LEMD3: variants seen among roughly 807,000 people sequenced by gnomAD.
LEMD3 encodes LEM domain containing 3.
In LEMD3, 33 loss-of-function variants were observed where a neutral mutation model predicts 95.2. The observed-to-expected ratio is 0.35, with a 90% CI of 0.26 to 0.46. The LOEUF (loss-of-function observed/expected upper bound fraction) is 0.46, where lower values mean the gene tolerates loss of function less well. LEMD3 is among the 20% of genes least tolerant of loss of function. The pLI, the probability that LEMD3 is intolerant of heterozygous loss-of-function variation, is 1.00. For missense variants in LEMD3, 1,210 were observed against 1,192.8 expected (o/e 1.01, Z -0.21); for synonymous variants, 525 against 474.6 (o/e 1.11, Z -1.38).
At chr12:65,232,180 T>C (rs1245324725) in intron 4 of LEMD3, among the ~76,000 whole-genome samples, 1 of 152,164 alleles carries the variant, frequency 6.6e-6, no homozygotes, top group African/African-American at 2.4e-5. Context: ...CTCTATGTTA[T>C]TTTATCCATA....
At chr12:65,171,187 A>G in intron 1 of LEMD3, 69 bp downstream of exon 1, 5 of 1,597,022 alleles carry the variant, frequency 3.1e-6, no homozygotes, top group Non-Finnish European at 4.2e-6. Flanking sequence ...AGCCGCGCTT[A>G]GCGTTTTACA....
chr12:65,205,999 G>A (rs1033261326), intron 1 of LEMD3, among the ~76,000 whole-genome samples: 6 of 152,054 alleles, frequency 3.9e-5, no homozygotes, highest in Admixed American at 1.3e-4. Flanking sequence ...AAACAAATGG[G>A]CATAATGCTA....
In LEMD3 at chr12:65,247,640, A is replaced by C. The variant is rs936648014; in HGVS notation, c.*1315A>C. 6.6e-6 allele frequency: 1 copy of C among 152,480 alleles called. No individual in the cohort carries two copies. Among genetic ancestry groups the C allele is most frequent in the Admixed American group, 6.5e-5 (1 of 15,276 alleles). 9.4% of individuals were successfully genotyped at this position (152,480 alleles called of 1,614,324 possible). On this transcript the variant is annotated 3_prime_UTR_variant, in exon 13 of 13. Coordinates refer to ENST00000308330, the MANE Select transcript of LEMD3 (RefSeq NM_014319.5). Reference sequence around the variant, plus strand: ...CTGTTGATATATAATTGTCAGTCCAAATGAATATGTGAAACAGCTGGAATT... The same window carrying C: ...CTGTTGATATATAATTGTCAGTCCACATGAATATGTGAAACAGCTGGAATT...
At chr12:65,187,123 C>T (rs1461975891) in intron 1 of LEMD3, among the ~76,000 whole-genome samples, 1 of 151,966 alleles carries the variant, frequency 6.6e-6, no homozygotes, top group East Asian at 1.9e-4. Context: ...AATGGTTTTG[C>T]CATATAAGAT....
chr12:65,172,117 G>T (rs1868569693), intron 1 of LEMD3, among the ~76,000 whole-genome samples: 1 of 152,144 alleles, frequency 6.6e-6, no homozygotes, highest in Admixed American at 6.5e-5. Context: ...GGTTAGAGTG[G>T]TTAAGCACCT....
At chr12:65,211,565 A>G (rs1869940557) in intron 2 of LEMD3, among the ~76,000 whole-genome samples, 1 of 152,198 alleles carries the variant, frequency 6.6e-6, no homozygotes, top group Non-Finnish European at 1.5e-5. Context: ...GTAATTAGTT[A>G]TTAATTTTTT....
intron 1 of LEMD3, among the ~76,000 whole-genome samples, chr12:65,172,633 C>G (rs552733226): frequency 6.6e-6 from 1 of 151,746 alleles, no homozygotes; most frequent in South Asian, 2.1e-4. Flanking sequence ...AGAAGTTAAA[C>G]AAGTAAAAGT....
chr12:65,236,233 T>G (rs2136352321), intron 4 of LEMD3, among the ~76,000 whole-genome samples: 1 of 152,328 alleles, frequency 6.6e-6, no homozygotes, highest in African/African-American at 2.4e-5. Context: ...TTATTTCTGT[T>G]TTTAGAAATT....
intron 1 of LEMD3, among the ~76,000 whole-genome samples, chr12:65,206,644 G>T (rs1869773073): frequency 6.6e-6 from 1 of 151,980 alleles, no homozygotes; most frequent in South Asian, 2.1e-4. Context: ...GAGAAGGGGA[G>T]AGTGAATAAT....
intron 4 of LEMD3, among the ~76,000 whole-genome samples, chr12:65,230,505 CATTT>C (rs953302998): frequency 6.6e-6 from 1 of 151,348 alleles, no homozygotes; most frequent in Non-Finnish European, 1.5e-5. Context: ...GTATTTTATT[CATTT>C]ATTTATTTTT....
intron 1 of LEMD3, among the ~76,000 whole-genome samples, chr12:65,209,571 C>T (rs1869870767): frequency 6.6e-6 from 1 of 152,020 alleles, no homozygotes; most frequent in Admixed American, 6.6e-5. Flanking sequence ...TGATCCTTAA[C>T]ATTTTATTTA....
intron 1 of LEMD3, among the ~76,000 whole-genome samples, chr12:65,181,186 T>G (rs937972260): frequency 2.4e-4 from 37 of 152,326 alleles, no homozygotes; most frequent in Admixed American, 2.2e-3. Context: ...AGCTATGGCT[T>G]GGAACCTTGG....
chr12:65,240,856 A>G, intron 8 of LEMD3, 53 bp from the exon 9 acceptor site: 2 of 1,522,440 alleles, frequency 1.3e-6, no homozygotes, highest in South Asian at 2.2e-5. Context: ...TAATATTTCA[A>G]AAAGATGACA....
intron 4 of LEMD3, among the ~76,000 whole-genome samples, chr12:65,229,800 T>C (rs1000850644): frequency 6.6e-6 from 1 of 152,228 alleles, no homozygotes; most frequent in Admixed American, 6.5e-5. Context: ...ATCTCTTCAC[T>C]CTGTTGCTGC....
At chr12:65,192,060 C>G (rs934117715) in intron 1 of LEMD3, among the ~76,000 whole-genome samples, 6 of 149,308 alleles carry the variant, frequency 4.0e-5, no homozygotes, top group Non-Finnish European at 8.9e-5. Flanking sequence ...CTGATTTAAC[C>G]AGAGTGGTAA....
At chr12:65,213,325 A>G (rs1283565478) in intron 2 of LEMD3, among the ~76,000 whole-genome samples, 1 of 152,090 alleles carries the variant, frequency 6.6e-6, no homozygotes, top group Non-Finnish European at 1.5e-5. Context: ...TCCTGGGCTC[A>G]AGTTATCCTC....
chr12:65,184,878 C>T (rs1869011291), intron 1 of LEMD3, among the ~76,000 whole-genome samples: 1 of 152,074 alleles, frequency 6.6e-6, no homozygotes, highest in Admixed American at 6.6e-5. Context: ...GAAAGCTCAT[C>T]CACTAACCAT....
intron 1 of LEMD3, among the ~76,000 whole-genome samples, chr12:65,206,013 T>A (rs188425799): frequency 6.6e-6 from 1 of 152,298 alleles, no homozygotes; most frequent in East Asian, 1.9e-4. Context: ...AATGCTATGT[T>A]GCAAAAACAT....
intron 1 of LEMD3, among the ~76,000 whole-genome samples, chr12:65,209,290 T>A (rs183025098): frequency 2.0e-4 from 30 of 152,274 alleles, no homozygotes; most frequent in Non-Finnish European, 1.2e-4. Flanking sequence ...TAATTTTGTG[T>A]ATAATCAAAA....
Sources: allele counts gnomAD v4.1 joint callset (sites outside exome capture counted in the v4.1 genomes callset), GRCh38; gene constraint gnomAD v4.1.1; transcripts MANE v1.5; gene names NCBI Gene and HGNC (gene_info 2026-07-23, HGNC 2026-07-21).